TRAP1: variants seen among roughly 807,000 people sequenced by gnomAD.
The protein encoded by TRAP1 is heat shock protein 75 kDa, mitochondrial.
Under a neutral mutation model 89.1 loss-of-function variants are expected in TRAP1, and 102 were observed. The ratio of observed to expected loss-of-function variants is 1.15; its 90% CI spans 0.98 to 1.35. The LOEUF is 1.35. Ranked by LOEUF, TRAP1 falls within the 40% of genes most tolerant of loss-of-function variation. TRAP1 has a pLI of 0.00. For synonymous variants in TRAP1, 508 were observed against 388.0 expected (o/e 1.31, Z -3.64); for missense variants, 1,256 against 945.3 (o/e 1.33, Z -4.31).
At chr16:3,701,672 A>G (rs984194608) in intron 1 of TRAP1, among the ~76,000 whole-genome samples, 2 of 152,174 alleles carry the variant, frequency 1.3e-5, no homozygotes, top group Non-Finnish European at 2.9e-5. Flanking sequence ...GAACACAGCA[A>G]GCTCTCCACG....
intron 1 of TRAP1, among the ~76,000 whole-genome samples, chr16:3,704,766 T>C (rs886709485): frequency 6.6e-6 from 1 of 151,624 alleles, no homozygotes; most frequent in African/African-American, 2.4e-5. Context: ...GTAACCCCAG[T>C]GCTTTGGAAG....
chr16:3,662,344 C>T (rs888168244), intron 15 of TRAP1: 15 of 645,100 alleles, frequency 2.3e-5, no homozygotes, highest in Non-Finnish European at 3.7e-5. Flanking sequence ...CGAGGGGCTC[C>T]ACCACCCTGG....
Position 3,686,064 on chromosome 16 carries a change from C to A in TRAP1, c.403G>T (p.Gly135Cys), listed in dbSNP as rs774494863. ...EKLRHKLVSD[G>C]QALPEMEIHL... ...ATCTCCATTTCTGGCAGTGCTTGGC[C>A]GTCAGACACCAGTTTGTGACGCAGT... Residue 135 changes from glycine (G) to cysteine (C), a missense_variant, in exon 4 of 18, where the codon GGC becomes TGC. Gly to Cys is a radical substitution (Grantham distance 159). Coordinates refer to ENST00000246957, the MANE Select transcript of TRAP1 (RefSeq NM_016292.3). 1.2e-6 allele frequency: 2 copies of A among 1,614,070 alleles called. No individual in the cohort carries two copies. The highest frequency in any genetic ancestry group is 2.2e-5 in the East Asian group (1 of 44,880).
rs549044388 is a variant in TRAP1, at chr16:3,662,965, C to T, written c.1711G>A (p.Ala571Thr). 1.7e-5 allele frequency: 27 copies of T among 1,608,444 alleles called. No individual in the cohort carries two copies. Among genetic ancestry groups the T allele is most frequent in the South Asian group, 8.8e-5 (8 of 90,864 alleles). Reference protein sequence around the residue: ...EEKFEDRSPAAECLSEKETEE... With the variant: ...EEKFEDRSPATECLSEKETEE... ...GTCTCCTTCTCTGATAGGCACTCGG[C>T]GGCTGCGGAAGAGCAGGCGACAGGG... The change falls in exon 15 of 18, where the codon GCC (alanine) becomes ACC (threonine). Residue 571 changes from alanine to threonine, a missense_variant and splice_region_variant. Transcript: ENST00000246957.
At position 3,658,114 on chromosome 16, in the gene TRAP1, CT is replaced by C. The variant is rs773455014; in HGVS notation, c.*14del. On this transcript the variant is annotated 3_prime_UTR_variant, in exon 18 of 18. Coordinates refer to ENST00000246957, the MANE Select transcript of TRAP1 (RefSeq NM_016292.3). ...GCTGTCATCTGTGGTGTCAGTCCTT[CT>C]GGCCCCCTGGCTGTCAGTGTCGCTC... The C allele has an allele frequency of 5.0e-6, 8 of 1,613,482 alleles. No homozygotes were observed. In the African/African-American group the frequency reaches 1.1e-4, roughly 22 times the overall value.
intron 1 of TRAP1, among the ~76,000 whole-genome samples, chr16:3,694,601 G>A (rs1388490052): frequency 1.3e-5 from 2 of 152,132 alleles, no homozygotes; most frequent in African/African-American, 4.8e-5. Flanking sequence ...GCCTCCCAAA[G>A]TGCTGGGATT....
rs533183416 is a variant in TRAP1, at chr16:3,715,772, C to G, written c.88+1649G>C. Reference sequence around the variant, plus strand: ...GACCAGCCTGGCCAACATAGTGAAACCCCACCTCATAAAGACAAAAAAATA... The same window carrying G: ...GACCAGCCTGGCCAACATAGTGAAAGCCCACCTCATAAAGACAAAAAAATA... On this transcript the variant is annotated intron_variant, in intron 1 of 17. Transcript: ENST00000246957. 1.5e-4 allele frequency among the ~76,000 whole-genome samples: 23 copies of G among 152,160 alleles called. 1 individual carries two copies. The South Asian group carries it at 4.6e-3, about 30-fold the overall frequency.
At chr16:3,663,151 A>G in intron 14 of TRAP1, 184 bp from the exon 15 acceptor site, 1 of 662,082 alleles carries the variant, frequency 1.5e-6, no homozygotes, top group East Asian at 2.7e-5. Flanking sequence ...TGAGGCCCAT[A>G]CAACTTGGTT....
At chr16:3,686,209 C>T in intron 3 of TRAP1, 73 bp from the exon 4 acceptor site, 1 of 1,511,884 alleles carries the variant, frequency 6.6e-7, no homozygotes, top group Non-Finnish European at 9.1e-7. Context: ...GTCAGCTGCA[C>T]TTCCAATAAC....
intron 13 of TRAP1, chr16:3,663,869 C>T (rs554426705): frequency 1.3e-5 from 5 of 384,116 alleles, no homozygotes; most frequent in East Asian, 5.1e-5. Context: ...GTCAGGAGTT[C>T]GAGACCAACA....
chr16:3,688,861 G>C (rs893041652), intron 3 of TRAP1, among the ~76,000 whole-genome samples, 194 bp downstream of exon 3: 5 of 152,096 alleles, frequency 3.3e-5, no homozygotes, highest in South Asian at 4.2e-4. Flanking sequence ...GAACCATCTG[G>C]ATACACTTAT....
chr16:3,685,259 G>A (rs1383528495), intron 4 of TRAP1, among the ~76,000 whole-genome samples: 2 of 152,136 alleles, frequency 1.3e-5, no homozygotes, highest in Non-Finnish European at 2.9e-5. Flanking sequence ...CACGTACCAC[G>A]GGGCTCAGTC....
chr16:3,660,009 G>A (rs991239894), intron 16 of TRAP1: 1 of 152,188 alleles, frequency 6.6e-6, no homozygotes, highest in African/African-American at 2.4e-5. Context: ...TTACAGGCGT[G>A]AGGCACCGCA....
intron 3 of TRAP1, 33 bp downstream of exon 3, chr16:3,689,022 G>A: frequency 4.5e-6 from 7 of 1,568,248 alleles, no homozygotes; most frequent in South Asian, 1.2e-5. Context: ...AAGAAACTTT[G>A]CTAGCATCGG....
At chr16:3,711,466 G>A (rs1250728650) in intron 1 of TRAP1, among the ~76,000 whole-genome samples, 1 of 152,100 alleles carries the variant, frequency 6.6e-6, no homozygotes, top group Non-Finnish European at 1.5e-5. Flanking sequence ...GGGCACGGTA[G>A]TGCATGCCTG....
rs1366990538 is a variant in TRAP1, at chr16:3,676,157, A to G, written c.705-12T>C. On this transcript the variant is annotated splice_polypyrimidine_tract_variant and intron_variant, in intron 6 of 17. Coordinates refer to ENST00000246957, the MANE Select transcript of TRAP1 (RefSeq NM_016292.3). The stretch of plus-strand genomic sequence containing the variant: ...CAAACACTCCAGAACTAAGGCAGGC[A>G]AAGAAAGGAAAAGCCAGGTGGATGT... The G allele has an allele frequency of 6.2e-7, 1 of 1,611,114 alleles. No individual in the cohort carries two copies. Among genetic ancestry groups the G allele is most frequent in the Non-Finnish European group, 8.5e-7 (1 of 1,178,018 alleles).
chr16:3,702,039 C>G (rs1313786038), intron 1 of TRAP1, among the ~76,000 whole-genome samples: 1 of 152,074 alleles, frequency 6.6e-6, no homozygotes, highest in Non-Finnish European at 1.5e-5. Context: ...TGAACCCTGT[C>G]TCTACTAAAA....
chr16:3,696,860 G>A (rs1046405606), intron 1 of TRAP1, among the ~76,000 whole-genome samples: 2 of 151,816 alleles, frequency 1.3e-5, no homozygotes, highest in African/African-American at 2.4e-5. Context: ...CCGAGTAGCT[G>A]AGACTACAGG....
In TRAP1 at chr16:3,676,417, G is replaced by C. The variant is rs576524809; in HGVS notation, c.705-272C>G. 1.4e-3 allele frequency: 349 copies of C among 248,856 alleles called. 1 individual carries two copies. Among genetic ancestry groups the C allele is most frequent in the African/African-American group, 7.0e-3 (309 of 44,064 alleles). The allele number at this position is 248,856 out of a possible 1,614,324, so 15.4% of individuals were successfully genotyped here. On this transcript the variant is annotated intron_variant, in intron 6 of 17. Transcript: ENST00000246957. The stretch of plus-strand genomic sequence containing the variant: ...TCCACCGACCCTGGGCTTCGAAGAA[G>C]CTTCTGGGCTTACCCCAAAAGCAGG...
Sources: gnomAD v4.1 joint callset for allele counts (sites outside exome capture counted in the v4.1 genomes callset) on GRCh38, gnomAD v4.1.1 for gene constraint, MANE v1.5 for transcripts, NCBI Gene and HGNC (gene_info 2026-07-23, HGNC 2026-07-21) for gene names.